Variants in ZC3H12B observed in about 807,000 individuals in gnomAD.
ZC3H12B encodes the protein probable ribonuclease ZC3H12B.
A neutral mutation model predicts 43.9 loss-of-function variants in ZC3H12B; 7 were observed. That is an observed-to-expected ratio of 0.16 (90% CI 0.09 to 0.30). ZC3H12B has a LOEUF of 0.30. Ranked by LOEUF, ZC3H12B falls within the 10% of genes least tolerant of loss-of-function variation. The pLI is 1.00. For synonymous variants in ZC3H12B, 222 were observed against 241.7 expected (o/e 0.92, Z 0.76); for missense variants, 475 against 670.2 (o/e 0.71, Z 3.22).
chrX:65,105,420 T>C, the ZC3H12B span, among the ~76,000 whole-genome samples: 1 of 110,597 alleles, frequency 9.0e-6, no homozygotes, highest in Non-Finnish European at 1.9e-5. Context: ...TAAAGTAAAA[T>C]TTAAAAAAAG....
chrX:65,448,596 C>T (rs1311062062), intron 3 of ZC3H12B, among the ~76,000 whole-genome samples: 4 of 111,112 alleles, frequency 3.6e-5, no homozygotes, highest in East Asian at 2.8e-4. Context: ...GTGGGTGGAT[C>T]GCCTGAGGTC....
the ZC3H12B span, among the ~76,000 whole-genome samples, chrX:65,109,850 C>A: frequency 2.8e-5 from 3 of 108,839 alleles, no homozygotes; most frequent in African/African-American, 1.1e-4. Flanking sequence ...TCCACATCTT[C>A]ATAAACACTT....
At chrX:65,397,955 T>TA (rs931936293) in intron 2 of ZC3H12B, among the ~76,000 whole-genome samples, 4 of 112,013 alleles carry the variant, frequency 3.6e-5, no homozygotes, top group Non-Finnish European at 7.5e-5. Context: ...AATTTAACAT[T>TA]AAAAATCAGT....
chrX:65,168,768 G>A, the ZC3H12B span, among the ~76,000 whole-genome samples: 60 of 111,411 alleles, frequency 5.4e-4, no homozygotes, highest in African/African-American at 2.0e-3. Context: ...TTTAGTCTTT[G>A]GAGGGTGTGT....
At chrX:65,100,550 C>T in the ZC3H12B span, among the ~76,000 whole-genome samples, 1 of 42,784 alleles carries the variant, frequency 2.3e-5, no homozygotes, top group Non-Finnish European at 3.6e-5. Context: ...GGAATATTTA[C>T]CAAGCAAAGA....
the ZC3H12B span, among the ~76,000 whole-genome samples, chrX:65,100,216 C>T: frequency 9.0e-6 from 1 of 110,715 alleles, no homozygotes; most frequent in Admixed American, 9.6e-5. Context: ...AACAAAGCCT[C>T]CAAGAAATAT....
At chrX:65,167,311 A>G in the ZC3H12B span, among the ~76,000 whole-genome samples, 1 of 111,928 alleles carries the variant, frequency 8.9e-6, no homozygotes, top group Non-Finnish European at 1.9e-5. Flanking sequence ...TCCTTTCCCC[A>G]TTTCTGGTTT....
the ZC3H12B span, among the ~76,000 whole-genome samples, chrX:65,253,118 G>A: frequency 1.8e-5 from 2 of 112,232 alleles, no homozygotes; most frequent in East Asian, 5.6e-4. Context: ...AATGCAGCCA[G>A]GAGGAACATC....
the ZC3H12B span, among the ~76,000 whole-genome samples, chrX:65,279,298 A>T: frequency 4.4e-3 from 351 of 79,169 alleles, 3 homozygotes; most frequent in African/African-American, 0.016. Flanking sequence ...CCTTACCAGC[A>T]TTTTTTTTTT....
chrX:65,372,547 A>AGGAAGGAAGG (rs2066262126), intron 2 of ZC3H12B, among the ~76,000 whole-genome samples: 2 of 100,874 alleles, frequency 2.0e-5, no homozygotes, highest in Admixed American at 1.1e-4. Context: ...GAAGGAAGGA[A>AGGAAGGAAGG]AACATGTCAA....
At chrX:65,457,612 G>T (rs2067648565) in intron 3 of ZC3H12B, among the ~76,000 whole-genome samples, 1 of 80,770 alleles carries the variant, frequency 1.2e-5, no homozygotes, top group Non-Finnish European at 2.0e-5. Flanking sequence ...TGGCGGTTTT[G>T]TGGAATAGAA....
intron 3 of ZC3H12B, among the ~76,000 whole-genome samples, chrX:65,456,418 TC>T (rs2067611721): frequency 1.0e-4 from 2 of 19,772 alleles, no homozygotes; most frequent in East Asian, 4.6e-3. Flanking sequence ...TCCCTCTCCC[TC>T]TCCCTCTCCC....
intron 3 of ZC3H12B, among the ~76,000 whole-genome samples, chrX:65,446,182 C>T (rs1216799507): frequency 2.7e-5 from 3 of 111,899 alleles, no homozygotes; most frequent in African/African-American, 9.7e-5. Flanking sequence ...GAGGACACTG[C>T]TTGGTGCTTT....
the ZC3H12B span, among the ~76,000 whole-genome samples, chrX:65,234,395 C>G: frequency 3.6e-5 from 4 of 111,843 alleles, no homozygotes; most frequent in Non-Finnish European, 7.5e-5. Context: ...AAACCCACAA[C>G]TAGTATCATA....
chrX:65,163,746 G>T, the ZC3H12B span, among the ~76,000 whole-genome samples: 2 of 111,583 alleles, frequency 1.8e-5, no homozygotes, highest in African/African-American at 6.5e-5. Flanking sequence ...GCCTCGCCCT[G>T]CTTCAGCTCA....
At chrX:65,204,160 G>A in the ZC3H12B span, among the ~76,000 whole-genome samples, 2 of 106,526 alleles carry the variant, frequency 1.9e-5, no homozygotes, top group Non-Finnish European at 3.8e-5. Flanking sequence ...ACCCTCTTCA[G>A]TGCCTTTTTA....
chrX:65,381,833 C>A (rs1219372201), intron 2 of ZC3H12B, among the ~76,000 whole-genome samples: 2 of 112,035 alleles, frequency 1.8e-5, no homozygotes, highest in Non-Finnish European at 3.8e-5. Flanking sequence ...CACCTCTACA[C>A]AAATAAACTA....
the ZC3H12B span, among the ~76,000 whole-genome samples, chrX:65,121,947 T>C: frequency 1.8e-5 from 2 of 111,604 alleles, no homozygotes; most frequent in African/African-American, 6.5e-5. Flanking sequence ...TTCCATGTAG[T>C]TGAGCGGTTT....
At chrX:65,468,650 ATT>A (rs60716703) in intron 3 of ZC3H12B, among the ~76,000 whole-genome samples, 17 of 74,898 alleles carry the variant, frequency 2.3e-4, no homozygotes, top group Admixed American at 1.0e-3. Flanking sequence ...TGCCCGGCTA[ATT>A]TTTTTTTTTT....
Sources: gnomAD v4.1 joint callset for allele counts (sites outside exome capture counted in the v4.1 genomes callset) on GRCh38, gnomAD v4.1.1 for gene constraint, MANE v1.5 for transcripts, NCBI Gene and HGNC (gene_info 2026-07-23, HGNC 2026-07-21) for gene names.